MAPK10: variants seen among roughly 807,000 people sequenced by gnomAD.
The protein encoded by MAPK10 is JNK3 alpha protein kinase.
MAPK10 carries 25 observed loss-of-function variants against 59.3 expected under a neutral mutation model. That is an observed-to-expected ratio of 0.42 (90% CI 0.31 to 0.59). The LOEUF is 0.59. Ranked by LOEUF, MAPK10 falls within the 20% of genes least tolerant of loss-of-function variation. MAPK10 has a pLI of 0.15. For missense variants in MAPK10, 351 were observed against 568.9 expected (o/e 0.62, Z 3.90); for synonymous variants, 190 against 200.5 (o/e 0.95, Z 0.44).
chr4:86,546,096 G>A (rs1405327339), intron 1 of MAPK10, among the ~76,000 whole-genome samples: 2 of 152,054 alleles, frequency 1.3e-5, no homozygotes, highest in Admixed American at 6.6e-5. Flanking sequence ...GGTGTTGGGT[G>A]CCTATAGTCC....
chr4:86,137,803 A>G (rs1388349266), intron 4 of MAPK10, among the ~76,000 whole-genome samples: 1 of 148,674 alleles, frequency 6.7e-6, no homozygotes, highest in African/African-American at 2.5e-5. Flanking sequence ...CTAATAAAGA[A>G]AAAAAGAGAG....
At chr4:86,539,122 T>G (rs1219693707) in intron 1 of MAPK10, among the ~76,000 whole-genome samples, 1 of 152,026 alleles carries the variant, frequency 6.6e-6, no homozygotes, top group Admixed American at 6.6e-5. Flanking sequence ...AAGAATATAT[T>G]CTAAGGAAGA....
intron 9 of MAPK10, among the ~76,000 whole-genome samples, chr4:86,073,229 C>A (rs865897235): frequency 1.5e-5 from 2 of 134,746 alleles, no homozygotes; most frequent in African/African-American, 5.6e-5. Flanking sequence ...TCTGTGGGAT[C>A]GGTGGTGATA....
chr4:86,370,820 T>G (rs577125239), intron 1 of MAPK10: 30 of 152,322 alleles, frequency 2.0e-4, no homozygotes, highest in Admixed American at 5.2e-4. Flanking sequence ...GTCGACATGT[T>G]TCTTCATCTA....
chr4:86,461,149 T>G (rs920699321), intron 1 of MAPK10, among the ~76,000 whole-genome samples: 2 of 151,964 alleles, frequency 1.3e-5, no homozygotes, highest in Non-Finnish European at 2.9e-5. Flanking sequence ...TTGAAATATT[T>G]AAAGAGGTTT....
chr4:86,473,922 G>A (rs938142870), intron 1 of MAPK10, among the ~76,000 whole-genome samples: 1 of 152,156 alleles, frequency 6.6e-6, no homozygotes, highest in African/African-American at 2.4e-5. Context: ...GTCTGAGATG[G>A]AAGGATAGCT....
At chr4:86,548,297 C>T (rs1012383195) in intron 1 of MAPK10, among the ~76,000 whole-genome samples, 2 of 152,094 alleles carry the variant, frequency 1.3e-5, no homozygotes, top group African/African-American at 4.8e-5. Context: ...CGAACCCCAC[C>T]AGAAGGAAGA....
At chr4:86,120,827 A>G (rs983968240) in intron 4 of MAPK10, among the ~76,000 whole-genome samples, 1 of 152,196 alleles carries the variant, frequency 6.6e-6, no homozygotes, top group African/African-American at 2.4e-5. Flanking sequence ...TATAAGGCAT[A>G]TAGGGTGTAG....
At chr4:86,453,307 G>A (rs1350307395), upstream of MAPK10, 1 of 152,518 alleles carries the variant, frequency 6.6e-6, no homozygotes, top group Non-Finnish European at 1.5e-5. Context: ...AGGGAAGAAG[G>A]AGAGCCCTGT....
At chr4:86,030,333 C>CAT (rs961229495) in intron 12 of MAPK10, among the ~76,000 whole-genome samples, 23 of 151,634 alleles carry the variant, frequency 1.5e-4, no homozygotes, top group African/African-American at 3.6e-4. Context: ...TTTTATTTTA[C>CAT]ATATATATAT....
chr4:86,228,728 G>A (rs968225860), intron 2 of MAPK10, among the ~76,000 whole-genome samples: 3 of 152,214 alleles, frequency 2.0e-5, no homozygotes, highest in African/African-American at 7.2e-5. Flanking sequence ...AGAAATATCT[G>A]ATCCATGTTT....
chr4:86,449,879 TGA>T (rs1750503166), intron 1 of MAPK10, among the ~76,000 whole-genome samples: 1 of 152,216 alleles, frequency 6.6e-6, no homozygotes, highest in African/African-American at 2.4e-5. Flanking sequence ...CTCTGGAAGA[TGA>T]GAGTTACCCT....
At chr4:86,061,747 T>C (rs2045800667) in intron 11 of MAPK10, among the ~76,000 whole-genome samples, 1 of 152,196 alleles carries the variant, frequency 6.6e-6, no homozygotes, top group African/African-American at 2.4e-5. Context: ...AACTTATTTT[T>C]CTTCTCTCTC....
chr4:86,462,598 A>G (rs1236122908), intron 1 of MAPK10, among the ~76,000 whole-genome samples: 1 of 152,144 alleles, frequency 6.6e-6, no homozygotes, highest in African/African-American at 2.4e-5. Context: ...AACCCGCTCA[A>G]TTTAATGTAG....
chr4:86,464,303 AG>A (rs1168751000), intron 1 of MAPK10, among the ~76,000 whole-genome samples: 3 of 152,220 alleles, frequency 2.0e-5, no homozygotes, highest in Non-Finnish European at 4.4e-5. Context: ...GTAATGGTAA[AG>A]CTTCTTATTC....
upstream of MAPK10, chr4:86,360,268 A>T (rs1223870593): frequency 2.1e-5 from 19 of 894,498 alleles, no homozygotes; most frequent in Non-Finnish European, 1.6e-5. Flanking sequence ...TCGGCAGCCA[A>T]CATCAGCAAC....
At chr4:86,181,415 TTTAAAA>T (rs1485211669) in intron 3 of MAPK10, among the ~76,000 whole-genome samples, 1 of 152,084 alleles carries the variant, frequency 6.6e-6, no homozygotes, top group Non-Finnish European at 1.5e-5. Flanking sequence ...CAGGAAATAA[TTTAAAA>T]TTATTCATAA....
intron 1 of MAPK10, among the ~76,000 whole-genome samples, chr4:86,388,965 A>G (rs1043829350): frequency 6.6e-6 from 1 of 152,230 alleles, no homozygotes; most frequent in Non-Finnish European, 1.5e-5. Context: ...TTTTTAATGC[A>G]AAAACTGGCA....
At chr4:86,031,506 A>G (rs1229002027) in intron 11 of MAPK10, 75 bp from the exon 12 acceptor site, 4 of 978,482 alleles carry the variant, frequency 4.1e-6, no homozygotes, top group Non-Finnish European at 6.5e-6. Context: ...GCACGAGAAT[A>G]CCTTGCCCTC....
Sources: allele counts gnomAD v4.1 joint callset (sites outside exome capture counted in the v4.1 genomes callset), GRCh38; gene constraint gnomAD v4.1.1; transcripts MANE v1.5; gene names NCBI Gene and HGNC (gene_info 2026-07-23, HGNC 2026-07-21).